MCC: variants seen among roughly 807,000 people sequenced by gnomAD.
The protein encoded by MCC is MCC regulator of Wnt signaling pathway.
A neutral mutation model predicts 116.2 loss-of-function variants in MCC; 90 were observed. The observed-to-expected ratio is 0.77, with a 90% CI of 0.65 to 0.92. The LOEUF (loss-of-function observed/expected upper bound fraction) is 0.92, where lower values mean the gene tolerates loss of function less well. MCC is among the 40% of genes least tolerant of loss of function. MCC has a pLI of 0.00. For synonymous variants in MCC, 578 were observed against 510.5 expected (o/e 1.13, Z -1.78); for missense variants, 1,516 against 1,312.2 (o/e 1.16, Z -2.40).
intron 5 of MCC, among the ~76,000 whole-genome samples, chr5:113,136,360 T>C (rs192349718): frequency 1.2e-3 from 180 of 152,264 alleles, no homozygotes; most frequent in Non-Finnish European, 2.0e-3. Context: ...TAAATAAAAA[T>C]AGACCTACTG....
intron 1 of MCC, among the ~76,000 whole-genome samples, chr5:113,423,670 A>C (rs1770401844): frequency 6.6e-6 from 1 of 152,162 alleles, no homozygotes; most frequent in Non-Finnish European, 1.5e-5. Context: ...GAAATAGGAG[A>C]GCCAGTGAAT....
chr5:113,486,778 G>T (rs967947814), intron 1 of MCC, among the ~76,000 whole-genome samples: 4 of 151,470 alleles, frequency 2.6e-5, no homozygotes, highest in African/African-American at 7.3e-5. Flanking sequence ...GGAGGCGGAG[G>T]TTGCAGTGAG....
At chr5:113,196,260 T>G (rs1465767057) in intron 3 of MCC, among the ~76,000 whole-genome samples, 2 of 152,206 alleles carry the variant, frequency 1.3e-5, no homozygotes, top group African/African-American at 4.8e-5. Flanking sequence ...TGAATGACCC[T>G]CTTTCCTGAC....
intron 1 of MCC, among the ~76,000 whole-genome samples, chr5:113,424,930 CA>C (rs1770443070): frequency 6.6e-6 from 1 of 151,794 alleles, no homozygotes; most frequent in African/African-American, 2.4e-5. Flanking sequence ...GCTCACTTTG[CA>C]ATATCTGACA....
chr5:113,147,373 G>A (rs1759583187), intron 4 of MCC, among the ~76,000 whole-genome samples: 1 of 152,272 alleles, frequency 6.6e-6, no homozygotes, highest in Admixed American at 6.5e-5. Flanking sequence ...ATGTGGTGAT[G>A]CTAAGCAGCT....
chr5:113,468,633 C>T (rs1348352544), intron 1 of MCC, among the ~76,000 whole-genome samples: 1 of 152,116 alleles, frequency 6.6e-6, no homozygotes, highest in Non-Finnish European at 1.5e-5. Flanking sequence ...GGATATTGGT[C>T]TAAAATTCTC....
At chr5:113,479,133 T>C (rs75827065) in intron 1 of MCC, among the ~76,000 whole-genome samples, 2,352 of 152,348 alleles carry the variant, frequency 0.015, 63 homozygotes, top group African/African-American at 0.054. Context: ...CAATGAAATG[T>C]TAGTAATAAA....
At chr5:113,043,109 A>G (rs1275251666) in intron 17 of MCC, among the ~76,000 whole-genome samples, 4 of 152,166 alleles carry the variant, frequency 2.6e-5, no homozygotes, top group Admixed American at 2.6e-4. Flanking sequence ...ACACTGAAAT[A>G]ATAGAGGAAA....
chr5:113,167,805 A>G (rs1760855301), intron 3 of MCC, among the ~76,000 whole-genome samples: 1 of 151,870 alleles, frequency 6.6e-6, no homozygotes, highest in South Asian at 2.1e-4. Context: ...TAATTTTTAA[A>G]TTTTTGCAGA....
In MCC at chr5:113,029,092, T is replaced by G. The variant is rs553558167; in HGVS notation, c.2757-36A>C. 5.0e-6 allele frequency: 8 copies of G among 1,585,970 alleles called. No individual in the cohort carries two copies. In the South Asian group the frequency reaches 7.9e-5, roughly 16 times the overall value. The stretch of plus-strand genomic sequence containing the variant: ...GGAGACAAAATATGCCAGGAGTAGT[T>G]TGAGATGATGCTGGAGGTGCCCACT... On this transcript the variant is annotated intron_variant, in intron 17 of 18. Coordinates refer to ENST00000408903, the MANE Select transcript of MCC (RefSeq NM_001085377.2).
intron 2 of MCC, among the ~76,000 whole-genome samples, chr5:113,367,630 G>T (rs1056224654): frequency 1.5e-4 from 7 of 46,512 alleles, no homozygotes; most frequent in African/African-American, 2.7e-4. Context: ...GGCAGAGGGT[G>T]GGGGGGGGGA....
intron 8 of MCC, among the ~76,000 whole-genome samples, chr5:113,097,163 A>C (rs944995589): frequency 6.6e-6 from 1 of 152,246 alleles, no homozygotes; most frequent in African/African-American, 2.4e-5. Flanking sequence ...CAAACCATTA[A>C]AAGCTGTGAG....
At position 113,022,659 on chromosome 5, in the gene MCC, G is replaced by A. The variant is rs1332508712; in HGVS notation, c.*4643C>T. 1.3e-5 allele frequency: 2 copies of A among 152,204 alleles called. No homozygotes were observed. Among genetic ancestry groups the A allele is most frequent in the African/African-American group, 4.8e-5 (2 of 41,446 alleles). 9.4% of individuals were successfully genotyped at this position (152,204 alleles called of 1,614,324 possible). ...CTACAAACAGAACATTTTTCCACAT[G>A]AATTTGACTTGCAAAAAGTGCAAAA... On this transcript the variant is annotated 3_prime_UTR_variant, in exon 19 of 19. Coordinates refer to ENST00000408903, the MANE Select transcript of MCC (RefSeq NM_001085377.2).
At chr5:113,481,229 C>A (rs1387896596) in intron 1 of MCC, among the ~76,000 whole-genome samples, 1 of 152,124 alleles carries the variant, frequency 6.6e-6, no homozygotes, top group East Asian at 1.9e-4. Context: ...TATAACTCAA[C>A]AATTTTAAGG....
intron 8 of MCC, among the ~76,000 whole-genome samples, chr5:113,086,849 C>T (rs1294698917): frequency 6.6e-6 from 1 of 152,198 alleles, no homozygotes; most frequent in Non-Finnish European, 1.5e-5. Flanking sequence ...CTAGAATCCC[C>T]CAGAGGGCTT....
intron 6 of MCC, among the ~76,000 whole-genome samples, chr5:113,109,915 A>T (rs564108186): frequency 1.3e-5 from 2 of 152,180 alleles, no homozygotes; most frequent in Non-Finnish European, 2.9e-5. Context: ...AACTCCATGA[A>T]GGGCAGCTGA....
At chr5:113,486,661 T>C (rs2150438339) in intron 1 of MCC, among the ~76,000 whole-genome samples, 1 of 152,036 alleles carries the variant, frequency 6.6e-6, no homozygotes, top group South Asian at 2.1e-4. Context: ...CTGGCCAAAT[T>C]GTGAAGCCCC....
intron 4 of MCC, among the ~76,000 whole-genome samples, chr5:113,144,216 C>A (rs1288906061): frequency 6.6e-6 from 1 of 152,234 alleles, no homozygotes; most frequent in African/African-American, 2.4e-5. Context: ...AGAAACATTT[C>A]TGTAGCCAGA....
chr5:113,302,960 CT>C (rs1766899553), intron 3 of MCC, among the ~76,000 whole-genome samples: 1 of 152,074 alleles, frequency 6.6e-6, no homozygotes, highest in Non-Finnish European at 1.5e-5. Context: ...AAGAAATGGA[CT>C]TGAGATGTAT....
Sources: allele counts gnomAD v4.1 joint callset (sites outside exome capture counted in the v4.1 genomes callset), GRCh38; gene constraint gnomAD v4.1.1; transcripts MANE v1.5; gene names NCBI Gene and HGNC (gene_info 2026-07-23, HGNC 2026-07-21).